The following ARB2A variants were observed in gnomAD, a reference collection of about 807,000 sequenced individuals.
ARB2A encodes cotranscriptional regulator ARB2A.
At chr5:94,062,345 C>G in the ARB2A span, among the ~76,000 whole-genome samples, 2 of 152,196 alleles carry the variant, frequency 1.3e-5, no homozygotes, top group Admixed American at 1.3e-4. Context: ...AGCCAAAATG[C>G]AAGTAAATAA....
the ARB2A span, among the ~76,000 whole-genome samples, chr5:93,639,228 T>C: frequency 2.6e-5 from 4 of 152,360 alleles, no homozygotes; most frequent in Middle Eastern, 3.4e-3. Context: ...CTACTGGTCA[T>C]GAAAGTTCCT....
the ARB2A span, among the ~76,000 whole-genome samples, chr5:93,880,919 C>A: frequency 6.6e-6 from 1 of 151,688 alleles, no homozygotes; most frequent in Non-Finnish European, 1.5e-5. Flanking sequence ...TACTCTTCCT[C>A]CCTCTATCTG....
chr5:93,913,726 T>C, the ARB2A span, among the ~76,000 whole-genome samples: 3 of 151,968 alleles, frequency 2.0e-5, no homozygotes, highest in African/African-American at 7.2e-5. Context: ...TTTATATCAG[T>C]TTTTTAATAT....
the ARB2A span, among the ~76,000 whole-genome samples, chr5:93,939,989 C>A: frequency 4.6e-5 from 7 of 151,998 alleles, no homozygotes; most frequent in Admixed American, 4.6e-4. Context: ...ATACCTAACA[C>A]ACTATCTGTG....
chr5:93,808,621 A>C, the ARB2A span, among the ~76,000 whole-genome samples: 29 of 151,980 alleles, frequency 1.9e-4, no homozygotes, highest in African/African-American at 6.7e-4. Flanking sequence ...TCTCTTAAAA[A>C]CCTGATTAGA....
chr5:94,081,893 C>A, the ARB2A span, among the ~76,000 whole-genome samples: 2 of 152,080 alleles, frequency 1.3e-5, no homozygotes, highest in African/African-American at 4.8e-5. Context: ...GTCTCACTAA[C>A]CACTCACCTT....
chr5:94,056,136 T>C, the ARB2A span, among the ~76,000 whole-genome samples: 1 of 152,198 alleles, frequency 6.6e-6, no homozygotes, highest in Admixed American at 6.5e-5. Flanking sequence ...TCAGCACTCT[T>C]TCAAAAATCA....
the ARB2A span, among the ~76,000 whole-genome samples, chr5:93,719,879 T>A: frequency 1.3e-5 from 2 of 152,172 alleles, no homozygotes; most frequent in Non-Finnish European, 2.9e-5. Context: ...ACTCCGAAAA[T>A]TTGTTGAGCT....
chr5:93,708,718 G>T, the ARB2A span, among the ~76,000 whole-genome samples: 1 of 151,974 alleles, frequency 6.6e-6, no homozygotes, highest in African/African-American at 2.4e-5. Context: ...TGGCCTCTGG[G>T]TTGGGGAACC....
At chr5:94,008,739 T>C in the ARB2A span, among the ~76,000 whole-genome samples, 1 of 152,150 alleles carries the variant, frequency 6.6e-6, no homozygotes, top group Non-Finnish European at 1.5e-5. Context: ...TCTGTATGCT[T>C]TTCTTCACAC....
the ARB2A span, chr5:94,056,004 A>G: frequency 2.7e-6 from 2 of 739,598 alleles, no homozygotes; most frequent in Non-Finnish European, 3.3e-6. Context: ...AAATAGTAAC[A>G]AGTATTATCA....
At chr5:94,008,310 C>T in the ARB2A span, among the ~76,000 whole-genome samples, 1 of 152,210 alleles carries the variant, frequency 6.6e-6, no homozygotes, top group African/African-American at 2.4e-5. Flanking sequence ...TATAGCTCCA[C>T]ACAAGCTCAC....
chr5:93,783,595 CATTCATACTATATAAGTAA>C, the ARB2A span, among the ~76,000 whole-genome samples: 9 of 152,058 alleles, frequency 5.9e-5, no homozygotes, highest in African/African-American at 1.9e-4. Flanking sequence ...TCAATCAGCT[CATTCATACTATATAAGTAA>C]ATGATTTGAT....
the ARB2A span, among the ~76,000 whole-genome samples, chr5:94,060,033 AG>A: frequency 3.3e-5 from 5 of 152,162 alleles, no homozygotes; most frequent in African/African-American, 1.2e-4. Context: ...AGTAAAACAG[AG>A]GATATCACTA....
chr5:93,665,665 G>A, the ARB2A span, among the ~76,000 whole-genome samples: 8 of 152,138 alleles, frequency 5.3e-5, no homozygotes, highest in East Asian at 1.9e-4. Flanking sequence ...TGCATTTTCC[G>A]TGTTAGAGTT....
chr5:93,829,623 C>T, the ARB2A span, among the ~76,000 whole-genome samples: 3 of 152,126 alleles, frequency 2.0e-5, no homozygotes, highest in Non-Finnish European at 2.9e-5. Context: ...AAAACCACAA[C>T]GTTTATCTTC....
chr5:93,833,875 G>C, the ARB2A span, among the ~76,000 whole-genome samples: 16 of 152,188 alleles, frequency 1.1e-4, no homozygotes, highest in African/African-American at 3.9e-4. Context: ...ACATGTGCAA[G>C]TTTGATACAT....
chr5:93,868,060 C>T, the ARB2A span, among the ~76,000 whole-genome samples: 1 of 152,164 alleles, frequency 6.6e-6, no homozygotes, highest in Non-Finnish European at 1.5e-5. Flanking sequence ...TGGCTCACAC[C>T]TGTAATCTCA....
At chr5:93,971,418 T>C in the ARB2A span, among the ~76,000 whole-genome samples, 30 of 151,806 alleles carry the variant, frequency 2.0e-4, no homozygotes, top group Admixed American at 4.6e-4. Context: ...AAATACAAAA[T>C]TAGCCAGGCA....
Sources: allele counts gnomAD v4.1 joint callset (sites outside exome capture counted in the v4.1 genomes callset), GRCh38; gene constraint gnomAD v4.1.1; transcripts MANE v1.5; gene names NCBI Gene and HGNC (gene_info 2026-07-23, HGNC 2026-07-21).